The following DENND1A variants were observed in gnomAD, a reference collection of about 807,000 sequenced individuals.
DENND1A encodes the protein DENN domain-containing protein 1A.
A neutral mutation model predicts 113.7 loss-of-function variants in DENND1A; 51 were observed. That is an observed-to-expected ratio of 0.45 (90% CI 0.36 to 0.57). The LOEUF (loss-of-function observed/expected upper bound fraction) is 0.57, where lower values mean the gene tolerates loss of function less well. Ranked by LOEUF, DENND1A falls within the 20% of genes least tolerant of loss-of-function variation. The pLI is 0.00. For missense variants in DENND1A, 1,258 were observed against 1,395.9 expected (o/e 0.90, Z 1.57); for synonymous variants, 565 against 570.8 (o/e 0.99, Z 0.14).
intron 4 of DENND1A, chr9:123,759,767 G>A (rs1249048683): frequency 6.6e-6 from 1 of 152,204 alleles, no homozygotes; most frequent in Non-Finnish European, 1.5e-5. Flanking sequence ...ATATAACAAT[G>A]CTAGTTCCTG....
At chr9:123,875,510 A>G (rs369872979) in intron 2 of DENND1A, among the ~76,000 whole-genome samples, 47 of 152,306 alleles carry the variant, frequency 3.1e-4, no homozygotes, top group African/African-American at 1.1e-3. Flanking sequence ...TTTGCATTCC[A>G]TGGAGAAAAG....
At chr9:123,647,727 G>A (rs886428443) in intron 9 of DENND1A, among the ~76,000 whole-genome samples, 6 of 152,112 alleles carry the variant, frequency 3.9e-5, no homozygotes, top group African/African-American at 1.4e-4. Context: ...TAATCATATT[G>A]ATAGTGCAGT....
At chr9:123,689,771 A>C (rs2065045573) in intron 5 of DENND1A, among the ~76,000 whole-genome samples, 1 of 151,990 alleles carries the variant, frequency 6.6e-6, no homozygotes, top group East Asian at 1.9e-4. Context: ...GGAATTCAAG[A>C]CCAGCCTGGG....
chr9:123,877,567 T>G (rs1847685774), intron 2 of DENND1A, among the ~76,000 whole-genome samples: 1 of 152,046 alleles, frequency 6.6e-6, no homozygotes, highest in Non-Finnish European at 1.5e-5. Context: ...CTCATACCTG[T>G]AATCCCAGCA....
At chr9:123,830,420 G>A (rs1839998694) in intron 2 of DENND1A, among the ~76,000 whole-genome samples, 2 of 150,858 alleles carry the variant, frequency 1.3e-5, no homozygotes, top group African/African-American at 4.8e-5. Flanking sequence ...TAATTACGCA[G>A]GTGTATACAT....
At position 123,381,484 on chromosome 9, in the gene DENND1A, G is replaced by C. The variant is rs1169237981; in HGVS notation, c.3161C>G (p.Pro1054Arg). ...QDVSPSPALA[P>R]APDSVEQLRK... Reference sequence around the variant, plus strand: ...GAGCTGCTCCACCGAGTCTGGGGCCGGGGCCAGGGCCGGACTCGGGCTCAC... The same window carrying C: ...GAGCTGCTCCACCGAGTCTGGGGCCCGGGCCAGGGCCGGACTCGGGCTCAC... Residue 1054 changes from proline to arginine, a missense_variant, in exon 24 of 24, where the codon CCG becomes CGG. Physicochemically the swap from Pro to Arg is moderately radical, Grantham distance 103. This residue lies in a region of DENND1A where 1,159 missense variants were observed against 1,231.7 expected (regional missense o/e 0.94). Coordinates refer to ENST00000394215, the MANE Select transcript of DENND1A (RefSeq NM_001352964.2). The surrounding 1 kb of genome is among the most constrained non-coding windows in gnomAD (Gnocchi z 4.7). 12 of 1,613,640 alleles carry C rather than the reference G, an allele frequency of 7.4e-6. No homozygotes were observed. The highest frequency in any genetic ancestry group is 9.3e-6 in the Non-Finnish European group (11 of 1,179,986).
intron 12 of DENND1A, among the ~76,000 whole-genome samples, chr9:123,564,980 CTTTTTTTTTTTTT>C (rs199613371): frequency 4.0e-5 from 3 of 75,746 alleles, no homozygotes; most frequent in Non-Finnish European, 7.5e-5. Context: ...TCTGTCCCTT[CTTTTTTTTTTTTT>C]TTTTTTTTTT....
intron 5 of DENND1A, among the ~76,000 whole-genome samples, chr9:123,728,600 G>A (rs1172334167): frequency 1.3e-5 from 2 of 150,516 alleles, no homozygotes; most frequent in Non-Finnish European, 2.9e-5. Flanking sequence ...GCTATTAAAG[G>A]TCAAGAAACT....
At chr9:123,834,081 A>G (rs916760548) in intron 2 of DENND1A, among the ~76,000 whole-genome samples, 4 of 152,176 alleles carry the variant, frequency 2.6e-5, no homozygotes, top group Admixed American at 1.3e-4. Context: ...AATAGAATAC[A>G]GTTGTCTATT....
chr9:123,541,372 C>A (rs1437958975), intron 13 of DENND1A, among the ~76,000 whole-genome samples: 1 of 152,158 alleles, frequency 6.6e-6, no homozygotes, highest in East Asian at 1.9e-4. Flanking sequence ...ACTTATCAAC[C>A]CAGGATAAAA....
intron 12 of DENND1A, among the ~76,000 whole-genome samples, chr9:123,565,484 A>T (rs1022260252): frequency 2.0e-5 from 3 of 151,928 alleles, no homozygotes; most frequent in Non-Finnish European, 1.5e-5. Flanking sequence ...AAGATTTTTT[A>T]TTATTATTAT....
intron 13 of DENND1A, among the ~76,000 whole-genome samples, chr9:123,515,293 A>T (rs1204985749): frequency 6.6e-6 from 1 of 152,234 alleles, no homozygotes; most frequent in Non-Finnish European, 1.5e-5. Context: ...ATTAAAAGTG[A>T]TATTTCCATT....
At chr9:123,437,007 G>A (rs1326743217) in intron 19 of DENND1A, among the ~76,000 whole-genome samples, 1 of 152,202 alleles carries the variant, frequency 6.6e-6, no homozygotes, top group African/African-American at 2.4e-5. Flanking sequence ...TTGGGACTAT[G>A]AGGTGGACTA....
At chr9:123,625,219 G>A (rs779354284) in intron 10 of DENND1A, among the ~76,000 whole-genome samples, 1 of 152,142 alleles carries the variant, frequency 6.6e-6, no homozygotes, top group African/African-American at 2.4e-5. Context: ...TTGGGGCCTT[G>A]GTCTACCAAT....
chr9:123,578,930 T>C (rs1302986993), intron 12 of DENND1A, among the ~76,000 whole-genome samples: 1 of 152,092 alleles, frequency 6.6e-6, no homozygotes, highest in African/African-American at 2.4e-5. Flanking sequence ...GATTAATAGA[T>C]GAGGTAAGAC....
intron 5 of DENND1A, among the ~76,000 whole-genome samples, chr9:123,753,818 C>T (rs904539253): frequency 1.3e-5 from 2 of 152,152 alleles, no homozygotes; most frequent in African/African-American, 2.4e-5. Context: ...ATGCAAAGCA[C>T]GCTGGGTGTG....
At chr9:123,915,161 C>T (rs1422638400) in intron 1 of DENND1A, among the ~76,000 whole-genome samples, 1 of 152,114 alleles carries the variant, frequency 6.6e-6, no homozygotes, top group African/African-American at 2.4e-5. Context: ...TATATGCAAA[C>T]TTATCCATAT....
At chr9:123,394,676 C>A (rs2043026576) in intron 21 of DENND1A, among the ~76,000 whole-genome samples, 2 of 152,236 alleles carry the variant, frequency 1.3e-5, no homozygotes. Flanking sequence ...CCCGAGAAGC[C>A]CTTCCACGAC....
chr9:123,581,628 A>C (rs2058900711), intron 12 of DENND1A, among the ~76,000 whole-genome samples: 1 of 152,080 alleles, frequency 6.6e-6, no homozygotes. Flanking sequence ...CTGTTTCAAA[A>C]AAAAAAAAAG....
Sources: allele counts gnomAD v4.1 joint callset (sites outside exome capture counted in the v4.1 genomes callset), GRCh38; gene constraint gnomAD v4.1.1; regional missense constraint gnomAD v4.1.1; non-coding constraint Gnocchi (gnomAD v3.1); transcripts MANE v1.5; gene names NCBI Gene and HGNC (gene_info 2026-07-23, HGNC 2026-07-21).